Variants in TGFA observed in about 807,000 individuals in gnomAD.
TGFA encodes the protein transforming growth factor alpha, also known as protransforming growth factor alpha.
A neutral mutation model predicts 21.7 loss-of-function variants in TGFA; 12 were observed. The ratio of observed to expected loss-of-function variants is 0.55; its 90% CI spans 0.35 to 0.90. The LOEUF is 0.90. Ranked by LOEUF, TGFA falls within the 40% of genes least tolerant of loss-of-function variation. TGFA has a pLI of 0.01. For synonymous variants in TGFA, 79 were observed against 88.1 expected (o/e 0.90, Z 0.58); for missense variants, 178 against 210.8 (o/e 0.84, Z 0.96).
intron 1 of TGFA, among the ~76,000 whole-genome samples, chr2:70,538,620 A>G (rs974250571): frequency 2.0e-5 from 3 of 152,246 alleles, no homozygotes. Context: ...TGGAATTAGA[A>G]GTAAAGCCCG....
At chr2:70,468,630 C>G (rs1670644577) in intron 2 of TGFA, 1 of 152,248 alleles carries the variant, frequency 6.6e-6, no homozygotes, top group Admixed American at 6.5e-5. Context: ...CGCCTCCTGT[C>G]AGTTTAGCAG....
intron 2 of TGFA, among the ~76,000 whole-genome samples, chr2:70,505,322 C>T (rs1553499985): frequency 6.6e-6 from 1 of 152,120 alleles, no homozygotes; most frequent in Non-Finnish European, 1.5e-5. Flanking sequence ...GGGAAATTGC[C>T]CACAATGGCA....
intron 3 of TGFA, 146 bp downstream of exon 3, chr2:70,465,470 C>T: frequency 3.9e-6 from 4 of 1,033,142 alleles, no homozygotes; most frequent in Non-Finnish European, 5.4e-6. Context: ...AAAAGGTGTC[C>T]CTCAGCCCCA....
At chr2:70,518,100 C>T (rs147989336) in intron 1 of TGFA, among the ~76,000 whole-genome samples, 1 of 152,368 alleles carries the variant, frequency 6.6e-6, no homozygotes, top group East Asian at 1.9e-4. Flanking sequence ...CTCAGGGAGA[C>T]ACACAGTGCA....
At chr2:70,455,837 T>C (rs1553490388) in intron 4 of TGFA, among the ~76,000 whole-genome samples, 1 of 152,006 alleles carries the variant, frequency 6.6e-6, no homozygotes, top group Non-Finnish European at 1.5e-5. Context: ...ACACAGCAAC[T>C]GAGTTTTGGA....
rs1390074534 is a variant in TGFA at position 70,468,823 on chromosome 2, G to T, written c.95-3087C>A. On this transcript the variant is annotated intron_variant, in intron 2 of 5. Coordinates refer to ENST00000295400, the MANE Select transcript of TGFA (RefSeq NM_003236.4). ...GGGCTCCTCCCGATTCTACATTATG[G>T]TGAGTTGTATAATTATTTCATTAAA... 2.2e-4 allele frequency among the ~76,000 whole-genome samples: 33 copies of T among 152,116 alleles called. 1 individual carries two copies. The highest frequency in any genetic ancestry group is 1.5e-5 in the Non-Finnish European group (1 of 68,044).
intron 2 of TGFA, among the ~76,000 whole-genome samples, chr2:70,474,774 A>C (rs1181126217): frequency 1.3e-5 from 2 of 152,216 alleles, no homozygotes; most frequent in East Asian, 3.8e-4. Flanking sequence ...TTGCAGCTTC[A>C]AACAAGATGC....
rs369958048 is a variant in TGFA at position 70,461,278 on chromosome 2, GT to G, written c.215+4337del. 1.2e-4 allele frequency among the ~76,000 whole-genome samples: 19 copies of G among 152,322 alleles called. No individual in the cohort carries two copies. The East Asian group carries it at 3.7e-3, about 29-fold the overall frequency. ...ACTTTCTCCAGACCTGTGGATGGCAGTGATGTCATCCTTCTTAACCCTACCC... is the reference window on the plus strand; with the variant it reads ...ACTTTCTCCAGACCTGTGGATGGCAGGATGTCATCCTTCTTAACCCTACCC... On this transcript the variant is annotated intron_variant, in intron 3 of 5. Coordinates refer to ENST00000295400, the MANE Select transcript of TGFA (RefSeq NM_003236.4).
chr2:70,465,501 A>T (rs1033228299), intron 3 of TGFA, 115 bp downstream of exon 3: 2 of 1,353,228 alleles, frequency 1.5e-6, no homozygotes, highest in African/African-American at 2.9e-5. Context: ...CCTCTGACAC[A>T]TCTGGCTCCA....
intron 1 of TGFA, among the ~76,000 whole-genome samples, chr2:70,545,008 A>G (rs1673249340): frequency 6.6e-6 from 1 of 152,192 alleles, no homozygotes; most frequent in Non-Finnish European, 1.5e-5. Flanking sequence ...AAAATAGCTA[A>G]AAGAGTATAA....
chr2:70,519,440 T>C (rs1425305593), intron 1 of TGFA, among the ~76,000 whole-genome samples: 1 of 152,220 alleles, frequency 6.6e-6, no homozygotes, highest in Non-Finnish European at 1.5e-5. Flanking sequence ...CACTAAATTG[T>C]ATGATTTCAT....
chr2:70,474,969 CGTGTGTGT>C (rs57147767), intron 2 of TGFA, among the ~76,000 whole-genome samples: 64 of 147,668 alleles, frequency 4.3e-4, no homozygotes, highest in Non-Finnish European at 7.0e-4. Flanking sequence ...ACACAGCAGC[CGTGTGTGT>C]GTGTGTGTGT....
At chr2:70,476,099 AAAAAAAAATT>A (rs1234733116) in intron 2 of TGFA, among the ~76,000 whole-genome samples, 3 of 151,020 alleles carry the variant, frequency 2.0e-5, no homozygotes, top group African/African-American at 7.3e-5. Context: ...AAAAAAAAAA[AAAAAAAAATT>A]AAGAAAATTA....
intron 1 of TGFA, among the ~76,000 whole-genome samples, chr2:70,531,283 C>T (rs1388082389): frequency 6.6e-6 from 1 of 152,156 alleles, no homozygotes. Context: ...CCCAGTGTGT[C>T]CTGAAGGGTT....
At chr2:70,483,288 A>T (rs3849383) in intron 2 of TGFA, among the ~76,000 whole-genome samples, 2 of 152,048 alleles carry the variant, frequency 1.3e-5, no homozygotes, top group African/African-American at 4.8e-5. Flanking sequence ...CAAGTTTTAT[A>T]ATCTACATTC....
intron 1 of TGFA, among the ~76,000 whole-genome samples, chr2:70,531,295 C>A (rs1553503697): frequency 6.6e-6 from 1 of 152,160 alleles, no homozygotes; most frequent in East Asian, 1.9e-4. Flanking sequence ...TGAAGGGTTT[C>A]AAACATACCA....
intron 2 of TGFA, among the ~76,000 whole-genome samples, chr2:70,490,691 C>A (rs1038367628): frequency 8.5e-5 from 13 of 152,162 alleles, no homozygotes; most frequent in South Asian, 2.1e-4. Context: ...ATGAATTGGT[C>A]TCTCTCTAAC....
chr2:70,460,025 C>G (rs1003139219), intron 3 of TGFA, among the ~76,000 whole-genome samples: 4 of 152,230 alleles, frequency 2.6e-5, no homozygotes, highest in African/African-American at 9.6e-5. Context: ...CAATCAAAAT[C>G]TCTCTGCAAA....
chr2:70,468,035 G>A (rs892702460), intron 2 of TGFA, among the ~76,000 whole-genome samples: 1 of 152,182 alleles, frequency 6.6e-6, no homozygotes, highest in Non-Finnish European at 1.5e-5. Flanking sequence ...GCGGTTGAAT[G>A]AGGTAATGCT....
Sources: gnomAD v4.1 joint callset for allele counts (sites outside exome capture counted in the v4.1 genomes callset) on GRCh38, gnomAD v4.1.1 for gene constraint, MANE v1.5 for transcripts, NCBI Gene and HGNC (gene_info 2026-07-23, HGNC 2026-07-21) for gene names.